Variants in RAD51B observed in about 807,000 individuals in gnomAD.
The protein encoded by RAD51B is RAD51 paralog B.
In RAD51B, 38 loss-of-function variants were observed where a neutral mutation model predicts 42.2. That is an observed-to-expected ratio of 0.90 (90% CI 0.70 to 1.18). The LOEUF (loss-of-function observed/expected upper bound fraction) is 1.18, where lower values mean the gene tolerates loss of function less well. RAD51B is among the 50% of genes most tolerant of loss of function. The pLI is 0.00. For missense variants in RAD51B, 373 were observed against 400.7 expected (o/e 0.93, Z 0.59); for synonymous variants, 154 against 145.2 (o/e 1.06, Z -0.43).
chr14:67,983,408 A>C (rs979221574), intron 7 of RAD51B, among the ~76,000 whole-genome samples: 7 of 152,200 alleles, frequency 4.6e-5, no homozygotes, highest in Non-Finnish European at 8.8e-5. Context: ...AGTCCTATGT[A>C]GGCCTTTTTA....
At chr14:68,080,528 G>A (rs1213224617) in intron 7 of RAD51B, among the ~76,000 whole-genome samples, 1 of 152,156 alleles carries the variant, frequency 6.6e-6, no homozygotes. Context: ...TAATATGAGA[G>A]GTGTCCCCAG....
intron 7 of RAD51B, among the ~76,000 whole-genome samples, chr14:68,276,246 A>C (rs1035769819): frequency 1.3e-5 from 2 of 151,900 alleles, no homozygotes; most frequent in Non-Finnish European, 1.5e-5. Flanking sequence ...CTTCCACATA[A>C]CTCTCAATGT....
intron 9 of RAD51B, among the ~76,000 whole-genome samples, chr14:68,460,457 AAAAC>A (rs1007603726): frequency 2.6e-4 from 39 of 152,082 alleles, no homozygotes; most frequent in African/African-American, 7.2e-4. Flanking sequence ...CCATCTCAAA[AAAAC>A]AAACAAACAA....
intron 7 of RAD51B, among the ~76,000 whole-genome samples, chr14:67,937,698 G>T (rs1399892869): frequency 6.6e-6 from 1 of 152,150 alleles, no homozygotes; most frequent in Non-Finnish European, 1.5e-5. Flanking sequence ...ACGCTGGGAT[G>T]GTTGTGGCCA....
chr14:67,853,869 A>G (rs2041900627), intron 4 of RAD51B, among the ~76,000 whole-genome samples: 2 of 152,216 alleles, frequency 1.3e-5, no homozygotes. Flanking sequence ...TACAACACCA[A>G]CATGAAAAGT....
intron 8 of RAD51B, among the ~76,000 whole-genome samples, chr14:68,369,292 A>G (rs1024147014): frequency 6.6e-6 from 1 of 152,238 alleles, no homozygotes; most frequent in Non-Finnish European, 1.5e-5. Context: ...CATTTAGGAA[A>G]CCACCATCAG....
intron 7 of RAD51B, among the ~76,000 whole-genome samples, chr14:68,116,195 A>T (rs963138683): frequency 2.6e-5 from 4 of 152,020 alleles, no homozygotes; most frequent in African/African-American, 9.7e-5. Flanking sequence ...TCAGCATGAG[A>T]TGTTGTCATG....
chr14:68,247,994 G>A (rs1470525019), intron 7 of RAD51B, among the ~76,000 whole-genome samples: 4 of 152,182 alleles, frequency 2.6e-5, no homozygotes, highest in African/African-American at 9.7e-5. Context: ...AAGAATGTGT[G>A]TGTAAGTGTA....
At chr14:68,608,410 C>T (rs981070985) in intron 10 of RAD51B, among the ~76,000 whole-genome samples, 1 of 152,108 alleles carries the variant, frequency 6.6e-6, no homozygotes, top group Non-Finnish European at 1.5e-5. Context: ...CTTGGGAGCA[C>T]GCAGGAGATG....
rs910048095 is a variant in RAD51B, at chr14:68,377,859, T to C, written c.854-33565T>C. On this transcript the variant is annotated intron_variant, in intron 8 of 10. Coordinates refer to ENST00000471583, the MANE Select transcript of RAD51B (RefSeq NM_133510.4). ...CGAGACAAAATCAGCACTTCTCAAA[T>C]TGGGAGCTGTAGATTCTTGAGGTCT... Among the ~76,000 whole-genome samples, 4 of 152,348 alleles carry C rather than the reference T, an allele frequency of 2.6e-5. No homozygotes were observed. The Middle Eastern group carries it at 0.01, about 389-fold the overall frequency.
intron 7 of RAD51B, among the ~76,000 whole-genome samples, chr14:68,034,768 G>A (rs2076096164): frequency 6.6e-6 from 1 of 152,096 alleles, no homozygotes; most frequent in Admixed American, 6.6e-5. Context: ...AGATTATATA[G>A]AAAGTTAGGG....
intron 7 of RAD51B, among the ~76,000 whole-genome samples, chr14:67,924,604 G>A (rs778888316): frequency 1.1e-4 from 17 of 152,094 alleles, no homozygotes; most frequent in Non-Finnish European, 1.6e-4. Context: ...AGAAACTCCC[G>A]TTCTTAAAAC....
intron 7 of RAD51B, among the ~76,000 whole-genome samples, chr14:68,157,058 G>A (rs1283549170): frequency 6.6e-6 from 1 of 152,096 alleles, no homozygotes; most frequent in Non-Finnish European, 1.5e-5. Flanking sequence ...TTAGCCAGGT[G>A]TGGTGGCATG....
At chr14:67,983,291 A>C (rs1010477204) in intron 7 of RAD51B, among the ~76,000 whole-genome samples, 1 of 152,066 alleles carries the variant, frequency 6.6e-6, no homozygotes, top group Non-Finnish European at 1.5e-5. Flanking sequence ...CTCAAATCTC[A>C]TTGGTCTCTT....
intron 7 of RAD51B, among the ~76,000 whole-genome samples, chr14:67,958,652 T>C (rs1046783926): frequency 6.6e-6 from 1 of 152,204 alleles, no homozygotes; most frequent in Non-Finnish European, 1.5e-5. Flanking sequence ...TTGAATAGTG[T>C]GGGATGATTG....
chr14:68,620,897 A>T (rs984945477), intron 10 of RAD51B, among the ~76,000 whole-genome samples: 1 of 152,210 alleles, frequency 6.6e-6, no homozygotes, highest in Non-Finnish European at 1.5e-5. Context: ...ATATTGGCTG[A>T]TACAGGAGCC....
intron 10 of RAD51B, among the ~76,000 whole-genome samples, chr14:68,525,717 C>G (rs1331509125): frequency 1.3e-5 from 2 of 152,176 alleles, no homozygotes; most frequent in Non-Finnish European, 1.5e-5. Flanking sequence ...CACACCCACA[C>G]TCGCCCCAAA....
chr14:68,263,897 C>G (rs1451170130), intron 7 of RAD51B, among the ~76,000 whole-genome samples: 2 of 152,160 alleles, frequency 1.3e-5, no homozygotes, highest in Non-Finnish European at 2.9e-5. Context: ...TGCCAAAAAG[C>G]AGTATGCAAA....
chr14:68,523,342 G>A (rs572272988), intron 10 of RAD51B, among the ~76,000 whole-genome samples: 1 of 152,352 alleles, frequency 6.6e-6, no homozygotes, highest in Non-Finnish European at 1.5e-5. Flanking sequence ...GTGGAAAGTG[G>A]AGTTGGGGCA....
Sources: allele counts gnomAD v4.1 joint callset (sites outside exome capture counted in the v4.1 genomes callset), GRCh38; gene constraint gnomAD v4.1.1; transcripts MANE v1.5; gene names NCBI Gene and HGNC (gene_info 2026-07-23, HGNC 2026-07-21).